Variants in FNDC3B observed in about 807,000 individuals in gnomAD.
FNDC3B encodes fibronectin type III domain-containing protein 3B.
Under a neutral mutation model 151.5 loss-of-function variants are expected in FNDC3B, and 12 were observed. The observed-to-expected ratio is 0.08, with a 90% CI of 0.05 to 0.13. FNDC3B has a LOEUF of 0.13. Ranked by LOEUF, FNDC3B falls within the 10% of genes least tolerant of loss-of-function variation. The pLI is 1.00. For synonymous variants in FNDC3B, 528 were observed against 549.0 expected, an observed-to-expected ratio of 0.96 and a Z score of 0.54; for missense variants, 1,214 against 1,505.3, an observed-to-expected ratio of 0.81 and a Z score of 3.20.
intron 4 of FNDC3B, among the ~76,000 whole-genome samples, chr3:172,241,971 G>T (rs532941082): frequency 4.6e-5 from 7 of 152,344 alleles, no homozygotes; most frequent in African/African-American, 1.7e-4. Flanking sequence ...TACAATGAGG[G>T]TACAGGCATT....
At chr3:172,347,523 G>A (rs1316924983) in intron 21 of FNDC3B, among the ~76,000 whole-genome samples, 162 bp downstream of exon 21, 1 of 152,192 alleles carries the variant, frequency 6.6e-6, no homozygotes, top group Non-Finnish European at 1.5e-5. Flanking sequence ...TTGGTGTTTT[G>A]CAGTTAATTT....
chr3:172,300,721 G>C (rs1212612667), intron 9 of FNDC3B, among the ~76,000 whole-genome samples: 1 of 152,094 alleles, frequency 6.6e-6, no homozygotes, highest in Non-Finnish European at 1.5e-5. Flanking sequence ...ACAACCTAGG[G>C]TGCCACCAAC....
chr3:172,192,112 C>T (rs889652410), intron 3 of FNDC3B, among the ~76,000 whole-genome samples: 13 of 150,980 alleles, frequency 8.6e-5, no homozygotes, highest in African/African-American at 3.2e-4. Context: ...TTGGATCAGG[C>T]TTTGGAAAGC....
chr3:172,246,260 G>A (rs990980178), intron 4 of FNDC3B, among the ~76,000 whole-genome samples: 3 of 151,926 alleles, frequency 2.0e-5, no homozygotes, highest in Admixed American at 6.6e-5. Context: ...AGATCAGCTG[G>A]CATGGCTTCT....
At chr3:172,179,066 T>C (rs1183618933) in intron 3 of FNDC3B, among the ~76,000 whole-genome samples, 1 of 152,170 alleles carries the variant, frequency 6.6e-6, no homozygotes, top group African/African-American at 2.4e-5. Flanking sequence ...TTTATTTATT[T>C]GTTCATTTAT....
chr3:172,372,849 A>G (rs1734947288), intron 23 of FNDC3B, among the ~76,000 whole-genome samples: 1 of 152,208 alleles, frequency 6.6e-6, no homozygotes, highest in Non-Finnish European at 1.5e-5. Context: ...TTTTACCAAC[A>G]TAAATATTGC....
At chr3:172,366,703 A>C (rs1734638336) in intron 23 of FNDC3B, among the ~76,000 whole-genome samples, 1 of 152,204 alleles carries the variant, frequency 6.6e-6, no homozygotes, top group African/African-American at 2.4e-5. Flanking sequence ...CAAGGTATAG[A>C]GGGAAAATTG....
chr3:172,309,091 C>T (rs1731336674), intron 10 of FNDC3B, among the ~76,000 whole-genome samples: 1 of 152,172 alleles, frequency 6.6e-6, no homozygotes, highest in Non-Finnish European at 1.5e-5. Context: ...TCTCCCTTTC[C>T]TCAATTGTAA....
chr3:172,282,214 G>C (rs930506909), intron 6 of FNDC3B, among the ~76,000 whole-genome samples: 2 of 152,166 alleles, frequency 1.3e-5, no homozygotes, highest in African/African-American at 4.8e-5. Flanking sequence ...TTTTACTCTT[G>C]TTTGGTGCAA....
chr3:172,089,232 T>C (rs1157068548), intron 1 of FNDC3B, among the ~76,000 whole-genome samples: 1 of 152,228 alleles, frequency 6.6e-6, no homozygotes, highest in Non-Finnish European at 1.5e-5. Context: ...TTACTAATTC[T>C]TGTTTCCAAA....
intron 3 of FNDC3B, among the ~76,000 whole-genome samples, chr3:172,182,845 T>C (rs956778721): frequency 1.3e-5 from 2 of 152,200 alleles, no homozygotes; most frequent in Admixed American, 1.3e-4. Flanking sequence ...ATGAAGTGTT[T>C]TATTAGTTTA....
At chr3:172,088,177 A>G (rs908653262) in intron 1 of FNDC3B, among the ~76,000 whole-genome samples, 5 of 152,178 alleles carry the variant, frequency 3.3e-5, no homozygotes, top group Admixed American at 2.0e-4. Flanking sequence ...TGGCTAAACA[A>G]GGTACTTTCT....
At position 172,040,882 on chromosome 3, in the gene FNDC3B, C is replaced by T. The variant is rs116145421; in HGVS notation, c.-29+1111C>T. ...GGGCCCGCCGTCTCGGGAGACTGGG[C>T]TGCGCCGCCCGGCGGCGCCTTTGGC... On this transcript the variant is annotated intron_variant, in intron 1 of 25. Coordinates refer to ENST00000415807, the MANE Select transcript of FNDC3B (RefSeq NM_022763.4). This position sits in a 1 kb window ranked among gnomAD's most constrained non-coding sequence, Gnocchi z 6.6. Among the ~76,000 whole-genome samples the T allele has an allele frequency of 0.027, 4,097 of 152,208 alleles. 180 individuals are homozygous for T. Among genetic ancestry groups the T allele is most frequent in the African/African-American group, 0.094 (3,913 of 41,540 alleles).
chr3:172,107,383 T>G (rs1258858988), intron 1 of FNDC3B, among the ~76,000 whole-genome samples: 1 of 152,204 alleles, frequency 6.6e-6, no homozygotes, highest in African/African-American at 2.4e-5. Context: ...TTCTGTTTTT[T>G]TTTCTTATTA....
intron 3 of FNDC3B, among the ~76,000 whole-genome samples, chr3:172,206,659 C>CAA (rs57377409): frequency 1.1e-4 from 6 of 54,512 alleles, no homozygotes; most frequent in East Asian, 6.4e-4. Context: ...AACTCCATCT[C>CAA]AAAAAAAAAA....
At chr3:172,179,232 T>G (rs1351816474) in intron 3 of FNDC3B, among the ~76,000 whole-genome samples, 1 of 108,752 alleles carries the variant, frequency 9.2e-6, no homozygotes, top group Non-Finnish European at 1.8e-5. Flanking sequence ...TGGCTAATGT[T>G]TGTATTTTTA....
intron 3 of FNDC3B, among the ~76,000 whole-genome samples, chr3:172,215,771 A>G (rs1725946492): frequency 6.6e-6 from 1 of 152,190 alleles, no homozygotes; most frequent in Non-Finnish European, 1.5e-5. Context: ...CTCTACTTGC[A>G]TCGACTTTTA....
intron 23 of FNDC3B, among the ~76,000 whole-genome samples, chr3:172,363,264 G>C (rs1302800742): frequency 2.6e-5 from 4 of 152,148 alleles, no homozygotes; most frequent in Non-Finnish European, 5.9e-5. Flanking sequence ...ATGTGAAATA[G>C]CTGTGGGTGA....
intron 4 of FNDC3B, among the ~76,000 whole-genome samples, chr3:172,227,943 C>T (rs189691720): frequency 4.1e-4 from 62 of 152,268 alleles, no homozygotes; most frequent in Middle Eastern, 6.8e-3. Flanking sequence ...GTTGCTGAAG[C>T]GGAGGCAGGA....
Sources: gnomAD v4.1 joint callset for allele counts (sites outside exome capture counted in the v4.1 genomes callset) on GRCh38, gnomAD v4.1.1 for gene constraint, Gnocchi (gnomAD v3.1) non-coding constraint, MANE v1.5 for transcripts, NCBI Gene and HGNC (gene_info 2026-07-23, HGNC 2026-07-21) for gene names.